The following WHR1 variants were observed in gnomAD, a reference collection of about 807,000 sequenced individuals.
WHR1 encodes the protein winged helix repair factor 1, also known as MHC class III HLA-RP1.
the WHR1 span, among the ~76,000 whole-genome samples, chr6:31,976,029 C>CG: frequency 1.1e-3 from 159 of 141,180 alleles, 2 homozygotes; most frequent in East Asian, 0.021. Flanking sequence ...GCTGGCCGGG[C>CG]GGGGGGGGCT....
At chr6:31,979,357 G>A in the WHR1 span, 15 of 1,605,678 alleles carry the variant, frequency 9.3e-6, no homozygotes, top group Non-Finnish European at 1.3e-5. Context: ...TCCTGGGGGT[G>A]GAGGTTGGTA....
At chr6:31,972,274 A>T in the WHR1 span, 6 of 1,613,090 alleles carry the variant, frequency 3.7e-6, no homozygotes, top group Middle Eastern at 6.6e-4. The surrounding 1 kb of genome is among the most constrained non-coding windows in gnomAD (Gnocchi z 6.3). Flanking sequence ...CGACAAGTTG[A>T]CGCTCCTTTC....
the WHR1 span, chr6:31,971,218 C>G: frequency 6.4e-7 from 1 of 1,569,848 alleles, no homozygotes; most frequent in Non-Finnish European, 8.7e-7. The surrounding 1 kb of genome is among the most constrained non-coding windows in gnomAD (Gnocchi z 4.5). Flanking sequence ...GAAGAATAGT[C>G]TTGTTTCTTC....
At chr6:31,975,201 C>CTT in the WHR1 span, among the ~76,000 whole-genome samples, 19 of 136,914 alleles carry the variant, frequency 1.4e-4, no homozygotes, top group South Asian at 7.0e-4. Context: ...TTAGTTTTCC[C>CTT]TTTTTTTTTT....
chr6:31,971,317 C>T, the WHR1 span: 3 of 1,538,980 alleles, frequency 1.9e-6, no homozygotes, highest in Non-Finnish European at 2.6e-6. This position sits in a 1 kb window ranked among gnomAD's most constrained non-coding sequence, Gnocchi z 4.5. Context: ...ACGCTTTGCT[C>T]ACCCCTCCAA....
chr6:31,971,455 G>A, the WHR1 span: 150 of 1,613,772 alleles, frequency 9.3e-5, 2 homozygotes, highest in Non-Finnish European at 1.4e-5. This position sits in a 1 kb window ranked among gnomAD's most constrained non-coding sequence, Gnocchi z 4.5. Flanking sequence ...ACCGTTAGTG[G>A]GGGGTGGGCT....
chr6:31,978,836 C>T, the WHR1 span: 8 of 1,444,282 alleles, frequency 5.5e-6, no homozygotes, highest in South Asian at 3.7e-5. Context: ...TGCCTGAGAG[C>T]GCCCAGAGTA....
the WHR1 span, among the ~76,000 whole-genome samples, chr6:31,973,965 G>A: frequency 6.6e-6 from 1 of 152,094 alleles, no homozygotes; most frequent in African/African-American, 2.4e-5. Flanking sequence ...CTGTGACAGA[G>A]GCAGAGAGGG....
At chr6:31,972,530 G>A in the WHR1 span, 1 of 1,599,768 alleles carries the variant, frequency 6.3e-7, no homozygotes, top group African/African-American at 1.3e-5. This position sits in a 1 kb window ranked among gnomAD's most constrained non-coding sequence, Gnocchi z 6.3. Flanking sequence ...GGCAACCCCG[G>A]GGGTGGGGCC....
chr6:31,976,822 A>C, the WHR1 span, among the ~76,000 whole-genome samples: 1 of 152,226 alleles, frequency 6.6e-6, no homozygotes, highest in Non-Finnish European at 1.5e-5. Flanking sequence ...CTGGCGGATC[A>C]CTCGCGGTTA....
the WHR1 span, chr6:31,980,953 C>T: frequency 3.1e-6 from 2 of 650,500 alleles, no homozygotes; most frequent in Non-Finnish European, 5.0e-6. Context: ...AAGTTCTCCT[C>T]ACAGCTTGAG....
the WHR1 span, among the ~76,000 whole-genome samples, chr6:31,975,198 TC>T: frequency 6.7e-6 from 1 of 150,138 alleles, no homozygotes; most frequent in Non-Finnish European, 1.5e-5. Flanking sequence ...GCCTTAGTTT[TC>T]CCTTTTTTTT....
chr6:31,971,890 T>G, the WHR1 span: 1 of 1,493,106 alleles, frequency 6.7e-7, no homozygotes. This position sits in a 1 kb window ranked among gnomAD's most constrained non-coding sequence, Gnocchi z 4.5. Context: ...GCAGTGAGGT[T>G]AGGAAGGACG....
At chr6:31,978,988 A>G in the WHR1 span, 1 of 1,612,314 alleles carries the variant, frequency 6.2e-7, no homozygotes, top group African/African-American at 1.3e-5. Flanking sequence ...ACTGAGGACT[A>G]CAGGACCAGA....
chr6:31,973,809 T>G, the WHR1 span, among the ~76,000 whole-genome samples: 115 of 152,240 alleles, frequency 7.6e-4, no homozygotes, highest in Middle Eastern at 0.014. Flanking sequence ...AAATACAGGT[T>G]CCTGGGACTC....
chr6:31,976,032 G>T, the WHR1 span, among the ~76,000 whole-genome samples: 13 of 149,868 alleles, frequency 8.7e-5, no homozygotes, highest in African/African-American at 1.5e-4. Context: ...GGCCGGGCGG[G>T]GGGGGCTGAC....
chr6:31,980,458 G>C, the WHR1 span: 1 of 1,612,688 alleles, frequency 6.2e-7, no homozygotes, highest in Admixed American at 1.7e-5. Context: ...CAGGCATCTG[G>C]TGAATGCTGG....
At chr6:31,978,885 T>C in the WHR1 span, 2 of 1,612,034 alleles carry the variant, frequency 1.2e-6, no homozygotes, top group Non-Finnish European at 1.7e-6. Context: ...CTTTTCACTC[T>C]CTTCTCTGTG....
chr6:31,980,585 C>A, the WHR1 span: 1 of 1,602,714 alleles, frequency 6.2e-7, no homozygotes, highest in Non-Finnish European at 8.5e-7. Flanking sequence ...AGCCCCTCAC[C>A]TTTTGGTGGC....
Sources: gnomAD v4.1 joint callset for allele counts (sites outside exome capture counted in the v4.1 genomes callset) on GRCh38, gnomAD v4.1.1 for gene constraint, Gnocchi (gnomAD v3.1) non-coding constraint, MANE v1.5 for transcripts, NCBI Gene and HGNC (gene_info 2026-07-23, HGNC 2026-07-21) for gene names.